TARS3: variants seen among roughly 807,000 people sequenced by gnomAD.
TARS3 encodes the protein threonyl-tRNA synthetase 3.
TARS3 carries 94 observed loss-of-function variants against 103.5 expected under a neutral mutation model. The ratio of observed to expected loss-of-function variants is 0.91; its 90% CI spans 0.77 to 1.08. The LOEUF (loss-of-function observed/expected upper bound fraction) is 1.08. Among genes scored for constraint, TARS3 ranks in the 50% least tolerant of loss-of-function variants. The pLI, the probability that TARS3 is intolerant of heterozygous loss-of-function variation, is 0.00. For synonymous variants in TARS3, 416 were observed against 355.4 expected (o/e 1.17, Z -1.92); for missense variants, 952 against 995.2 (o/e 0.96, Z 0.58).
intron 10 of TARS3, among the ~76,000 whole-genome samples, chr15:101,691,790 T>C (rs1380123701): frequency 2.0e-5 from 3 of 152,196 alleles, no homozygotes; most frequent in Non-Finnish European, 4.4e-5. Context: ...TGATCCTAGA[T>C]ATCTATTTTG....
chr15:101,657,639 CGT>C, intron 17 of TARS3, 144 bp downstream of exon 17: 1 of 512,040 alleles, frequency 2.0e-6, no homozygotes, highest in Non-Finnish European at 3.4e-6. Flanking sequence ...AGACATGATT[CGT>C]GTGTTACTCC....
chr15:101,695,032 A>G (rs1204102453), intron 10 of TARS3, among the ~76,000 whole-genome samples: 2 of 152,240 alleles, frequency 1.3e-5, no homozygotes, highest in Non-Finnish European at 2.9e-5. Flanking sequence ...ACATGAATGT[A>G]CTTAGTGAGA....
At position 101,654,611 on chromosome 15, in the gene TARS3, G is replaced by T. The variant is rs1446310296; in HGVS notation, c.2380C>A (p.Arg794=). The T allele has an allele frequency of 6.2e-7, 1 of 1,614,052 alleles. No homozygotes were observed. Among genetic ancestry groups the T allele is most frequent in the East Asian group, 2.2e-5 (1 of 44,882 alleles). ...AAGGCCTCCTCAGCATTGAGTGTCCGTGTCTTCCTGAGATTCTTCAGTTTA... is the reference window on the plus strand; with the variant it reads ...AAGGCCTCCTCAGCATTGAGTGTCCTTGTCTTCCTGAGATTCTTCAGTTTA... The part of the protein sequence containing the change: ...IDKLKNLRKT[R]TLNAEEAF Residue 794 remains arginine (R), a synonymous_variant, in exon 19 of 19, where the codon CGG becomes AGG. Coordinates refer to ENST00000335968, the MANE Select transcript of TARS3 (RefSeq NM_152334.3).
At chr15:101,658,669 T>C (rs1232361022) in intron 16 of TARS3, among the ~76,000 whole-genome samples, 1 of 152,166 alleles carries the variant, frequency 6.6e-6, no homozygotes, top group East Asian at 1.9e-4. Context: ...GTGAGGCTGG[T>C]GAAATCGGAA....
chr15:101,669,651 C>T (rs966404838), intron 15 of TARS3, among the ~76,000 whole-genome samples: 2 of 152,174 alleles, frequency 1.3e-5, no homozygotes, highest in African/African-American at 4.8e-5. Flanking sequence ...TGTTTTGATA[C>T]ACAAATACCT....
rs1900635681 is a variant in TARS3 at position 101,724,073 on chromosome 15, T to A, written c.297+18A>T. 7.4e-7 allele frequency: 1 copy of A among 1,358,326 alleles called. No homozygotes were observed. The highest frequency in any genetic ancestry group is 9.4e-7 in the Non-Finnish European group (1 of 1,058,498). 84.1% of individuals were successfully genotyped at this position (1,358,326 alleles called of 1,614,324 possible). A position where few individuals can be genotyped will look rare whatever the true frequency, so the allele number is the denominator to read the frequency against. ...CGCCCCGCCCGCGTCCTCTCCAGTG[T>A]CCCCACCGCCCGGTTACCTGTGCGC... On this transcript the variant is annotated intron_variant, in intron 1 of 18. Coordinates refer to ENST00000335968, the MANE Select transcript of TARS3 (RefSeq NM_152334.3).
intron 2 of TARS3, among the ~76,000 whole-genome samples, chr15:101,722,697 T>C (rs971121671): frequency 1.4e-5 from 2 of 143,306 alleles, no homozygotes; most frequent in Middle Eastern, 8.1e-3. Context: ...CATGCACCTG[T>C]AGTCCCAGCT....
intron 15 of TARS3, among the ~76,000 whole-genome samples, chr15:101,671,030 G>C (rs568502038): frequency 6.6e-6 from 1 of 152,072 alleles, no homozygotes; most frequent in Admixed American, 6.6e-5. Context: ...GAGAACAACA[G>C]AATCATAACC....
At chr15:101,663,234 G>A (rs1897450053) in intron 15 of TARS3, among the ~76,000 whole-genome samples, 1 of 152,228 alleles carries the variant, frequency 6.6e-6, no homozygotes, top group Admixed American at 6.5e-5. Flanking sequence ...GGGTACATGT[G>A]CACAATGTGC....
At chr15:101,699,956 G>A (rs1176988910) in intron 10 of TARS3, among the ~76,000 whole-genome samples, 1 of 152,118 alleles carries the variant, frequency 6.6e-6, no homozygotes, top group Non-Finnish European at 1.5e-5. Flanking sequence ...TGGCCAAGAT[G>A]ATGATGAAAA....
chr15:101,705,376 C>G lies in TARS3; in HGVS notation c.995+307G>C, dbSNP rs544584783. On this transcript the variant is annotated intron_variant, in intron 7 of 18. Transcript: ENST00000335968. The stretch of plus-strand genomic sequence containing the variant: ...GATGGCTTGTAATGGCCCCCACTGC[C>G]ACATTAATAAGAACGTGGAAGGACA... Among the ~76,000 whole-genome samples the G allele has an allele frequency of 2.5e-4, 38 of 152,290 alleles. 1 individual carries two copies. The highest frequency in any genetic ancestry group is 9.1e-4 in the African/African-American group (38 of 41,550).
chr15:101,684,076 T>G lies in TARS3; in HGVS notation c.1649A>C (p.Gln550Pro). Residue 550 changes from glutamine (Q) to proline (P), a missense_variant and splice_region_variant, in exon 12 of 19, where the codon CAG (glutamine) becomes CCG (proline). Gln to Pro is a moderately conservative substitution (Grantham distance 76). Transcript: ENST00000335968. ...GCTTCACTCTGTGTTATTGTTTACCTGCTCCACTGTGCAAAAAATGTGAGC... is the reference window on the plus strand; with the variant it reads ...GCTTCACTCTGTGTTATTGTTTACCGGCTCCACTGTGCAAAAAATGTGAGC... ...DDAHIFCTVE[Q>P]IEEEIKGCLQ... is the part of the protein sequence containing the mutation. 1 of 1,612,694 alleles carries G rather than the reference T, an allele frequency of 6.2e-7. No individual in the cohort carries two copies. The highest frequency in any genetic ancestry group is 8.5e-7 in the Non-Finnish European group (1 of 1,179,254).
At chr15:101,665,803 A>G (rs1295158999) in intron 15 of TARS3, among the ~76,000 whole-genome samples, 1 of 152,238 alleles carries the variant, frequency 6.6e-6, no homozygotes, top group African/African-American at 2.4e-5. Context: ...GGCTAATGAC[A>G]TCTTACTGCA....
chr15:101,679,728 G>T (rs1035268323), intron 12 of TARS3, among the ~76,000 whole-genome samples: 6 of 152,138 alleles, frequency 3.9e-5, no homozygotes, highest in Admixed American at 3.9e-4. Context: ...CGGTTTTATA[G>T]TAAGCCTCTG....
At chr15:101,689,783 A>G (rs1898630700) in intron 10 of TARS3, among the ~76,000 whole-genome samples, 1 of 152,218 alleles carries the variant, frequency 6.6e-6, no homozygotes, top group Admixed American at 6.5e-5. Context: ...TGTTGTTTTA[A>G]GTCACCTAGT....
intron 10 of TARS3, among the ~76,000 whole-genome samples, chr15:101,687,131 G>A (rs1035211304): frequency 1.3e-5 from 2 of 152,024 alleles, no homozygotes; most frequent in Non-Finnish European, 2.9e-5. Context: ...GGTAGGGTGT[G>A]GTGGCTCACG....
At chr15:101,707,442 G>A (rs1899624964) in intron 6 of TARS3, among the ~76,000 whole-genome samples, 2 of 152,198 alleles carry the variant, frequency 1.3e-5, no homozygotes, top group Admixed American at 1.3e-4. Flanking sequence ...CAACCCAAGT[G>A]TTTACAGGTG....
At chr15:101,686,089 A>T (rs754857684) in intron 10 of TARS3, 27 bp from the exon 11 acceptor site, 3 of 1,581,516 alleles carry the variant, frequency 1.9e-6, no homozygotes, top group Non-Finnish European at 2.6e-6. Flanking sequence ...TTCAACATTA[A>T]AATCTGCTAG....
Position 101,656,906 on chromosome 15 carries a change from TAC to T in TARS3, c.2260+14_2260+15del. 6.5e-7 allele frequency: 1 copy of T among 1,537,838 alleles called. No homozygotes were observed. Among genetic ancestry groups the T allele is most frequent in the Non-Finnish European group, 8.9e-7 (1 of 1,121,896 alleles). On this transcript the variant is annotated intron_variant, in intron 18 of 18. Transcript: ENST00000335968. ...AAAAAAAAGCATTTGGAAAAATATA[TAC>T]AAACTTAAATTACCCAAAATAAAAT...
Sources: allele counts gnomAD v4.1 joint callset (sites outside exome capture counted in the v4.1 genomes callset), GRCh38; gene constraint gnomAD v4.1.1; transcripts MANE v1.5; gene names NCBI Gene and HGNC (gene_info 2026-07-23, HGNC 2026-07-21).